Variants in SIK2 observed in about 807,000 individuals in gnomAD.
SIK2 encodes serine/threonine-protein kinase SIK2.
In SIK2, 29 loss-of-function variants were observed where a neutral mutation model predicts 103.2. The observed-to-expected ratio is 0.28, with a 90% confidence interval of 0.21 to 0.38. SIK2 has a LOEUF of 0.38. Among genes scored for constraint, SIK2 ranks in the 10% least tolerant of loss-of-function variants. The pLI, the probability that SIK2 is intolerant of heterozygous loss-of-function variation, is 1.00. For missense variants in SIK2, 879 were observed against 1,171.0 expected, an observed-to-expected ratio of 0.75 and a Z score of 3.64; for synonymous variants, 412 against 446.1, an observed-to-expected ratio of 0.92 and a Z score of 0.96.
intron 3 of SIK2, among the ~76,000 whole-genome samples, chr11:111,681,079 A>G (rs1342631072): frequency 2.6e-5 from 4 of 152,226 alleles, no homozygotes; most frequent in Admixed American, 6.5e-5. Context: ...GAAAATCTGT[A>G]TAAGTATATA....
rs1941596197 is a variant in SIK2, at chr11:111,602,520, C to CCCGCCCGCGCTCCTGT, written c.-38_-23dup. 1 of 1,433,752 alleles carries CCCGCCCGCGCTCCTGT rather than the reference C, an allele frequency of 7.0e-7. No homozygotes were observed. Among genetic ancestry groups the CCCGCCCGCGCTCCTGT allele is most frequent in the East Asian group, 3.0e-5 (1 of 32,974 alleles). The allele number at this position is 1,433,752 out of a possible 1,614,324, so 88.8% of individuals were successfully genotyped here. A position where few individuals can be genotyped will look rare whatever the true frequency, so the allele number is the denominator to read the frequency against. ...CCAAGCCGCGCTGCCAACCCTCCCG[C>CCCGCCCGCGCTCCTGT]CCGCCCGCGCTCCTGTCCGCCGTGT... On this transcript the variant is annotated 5_prime_UTR_variant, in exon 1 of 15. Coordinates refer to ENST00000304987, the MANE Select transcript of SIK2 (RefSeq NM_015191.3). The surrounding 1 kb of genome is among the most constrained non-coding windows in gnomAD (Gnocchi z 4.5).
chr11:111,654,322 C>G lies in SIK2; in HGVS notation c.317-33679C>G, dbSNP rs556214462. ...TTTTCTCTGCCAGATATTTTATTTG[C>G]CTGTTGAAATCTCTGATTGTTATAT... On this transcript the variant is annotated intron_variant, in intron 3 of 14. Coordinates refer to ENST00000304987, the MANE Select transcript of SIK2 (RefSeq NM_015191.3). Among the ~76,000 whole-genome samples the G allele has an allele frequency of 1.2e-4, 18 of 152,168 alleles. No homozygotes were observed. The East Asian group carries it at 3.5e-3, about 29-fold the overall frequency.
rs112204608 is a variant in SIK2, at chr11:111,681,123, G to T, written c.317-6878G>T. On this transcript the variant is annotated intron_variant, in intron 3 of 14. Transcript: ENST00000304987. ...GCTGTTGAAATGTCAAATATCATTG[G>T]CAAATTTGGAGATTATTCTTACAAA... Among the ~76,000 whole-genome samples the T allele has an allele frequency of 6.5e-3, 994 of 152,302 alleles. 10 individuals carry two copies. Among genetic ancestry groups the T allele is most frequent in the African/African-American group, 0.022 (928 of 41,546 alleles).
intron 9 of SIK2, among the ~76,000 whole-genome samples, chr11:111,716,984 AAAG>A (rs1331892241): frequency 2.0e-5 from 3 of 152,160 alleles, no homozygotes; most frequent in Non-Finnish European, 2.9e-5. Context: ...ACACTTCTGA[AAAG>A]AAGACCTCAT....
At chr11:111,640,419 T>TG (rs1474444857) in intron 3 of SIK2, among the ~76,000 whole-genome samples, 1 of 152,236 alleles carries the variant, frequency 6.6e-6, no homozygotes, top group East Asian at 1.9e-4. Flanking sequence ...CATTAAATAT[T>TG]GGGGGTTCTT....
chr11:111,653,829 C>T lies in SIK2; in HGVS notation c.316+33427C>T, dbSNP rs1942358265. Among the ~76,000 whole-genome samples, 3 of 152,352 alleles carry T rather than the reference C, an allele frequency of 2.0e-5. No homozygotes were observed. In the South Asian group the frequency reaches 6.2e-4, roughly 32 times the overall value. The stretch of plus-strand genomic sequence containing the variant: ...GGGAGGTGTCTGTGGTGTAAATTAG[C>T]TTTTTCCCTTCTCAGATCTGTCTTC... On this transcript the variant is annotated intron_variant, in intron 3 of 14. Transcript: ENST00000304987.
At chr11:111,702,939 T>C (rs1318123287) in intron 6 of SIK2, among the ~76,000 whole-genome samples, 1 of 151,222 alleles carries the variant, frequency 6.6e-6, no homozygotes, top group Admixed American at 6.6e-5. Flanking sequence ...TTCTAGATAT[T>C]TTCAGTTGTG....
chr11:111,693,911 A>G (rs1396234584), intron 4 of SIK2, among the ~76,000 whole-genome samples: 3 of 152,360 alleles, frequency 2.0e-5, no homozygotes, highest in East Asian at 1.9e-4. Context: ...TTTGAATCCT[A>G]TCTCTGCCAC....
In SIK2 at chr11:111,730,836, AAAC is replaced by A. The variant is rs1944166974; in HGVS notation, c.*6711_*6713del. 6.6e-6 allele frequency: 1 copy of A among 152,244 alleles called. No homozygotes were observed. Among genetic ancestry groups the A allele is most frequent in the African/African-American group, 2.4e-5 (1 of 41,464 alleles). 9.4% of individuals were successfully genotyped at this position (152,244 alleles called of 1,614,324 possible). ...TTCCAACCCTCTTGAATTAAAATAA[AAAC>A]AACTTCTTTTCTAAGAGCCCGGGTG... On this transcript the variant is annotated 3_prime_UTR_variant, in exon 15 of 15. Transcript: ENST00000304987.
intron 3 of SIK2, among the ~76,000 whole-genome samples, chr11:111,647,084 C>A (rs971087428): frequency 6.6e-6 from 1 of 152,086 alleles, no homozygotes; most frequent in African/African-American, 2.4e-5. Flanking sequence ...AAAATATTTT[C>A]AAGTCAATAA....
At chr11:111,657,254 T>C (rs532349086) in intron 3 of SIK2, among the ~76,000 whole-genome samples, 29 of 152,342 alleles carry the variant, frequency 1.9e-4, no homozygotes, top group Admixed American at 1.9e-3. Context: ...TAAACTCTCA[T>C]TTTGGGTGCA....
chr11:111,672,335 A>G, intron 3 of SIK2: 2 of 452,304 alleles, frequency 4.4e-6, no homozygotes, highest in Non-Finnish European at 7.5e-6. Context: ...CTCGTGGAGG[A>G]GCAGCTGCTG....
chr11:111,704,910 C>CTTT, intron 7 of SIK2, 77 bp from the exon 8 acceptor site: 19 of 1,400,820 alleles, frequency 1.4e-5, no homozygotes, highest in South Asian at 4.4e-5. Flanking sequence ...TTTCTTTCCT[C>CTTT]TTTTTTTTTA....
Position 111,701,025 on chromosome 11 carries a change from T to C in SIK2, c.603+15T>C, listed in dbSNP as rs1943200381. On this transcript the variant is annotated intron_variant, in intron 5 of 14. Transcript: ENST00000304987. The surrounding 1 kb of genome is among the most constrained non-coding windows in gnomAD (Gnocchi z 4.2). ...TGGACATCTGGGTACTGCTTTGCTTTGCTGTGTTGTTAAATGCATCTATAC... is the reference window on the plus strand; with the variant it reads ...TGGACATCTGGGTACTGCTTTGCTTCGCTGTGTTGTTAAATGCATCTATAC... 3.1e-6 allele frequency: 5 copies of C among 1,612,056 alleles called. No individual in the cohort carries two copies. The South Asian group carries it at 3.3e-5, about 11-fold the overall frequency.
At position 111,721,916 on chromosome 11, in the gene SIK2, C is replaced by G. The variant is rs1383766137; in HGVS notation, c.2031C>G (p.Thr677=). Residue 677 remains threonine (T), a synonymous_variant, in exon 13 of 15, where the codon ACC becomes ACG. Transcript: ENST00000304987. ...PQLSPRQSLE[T]QYLQHRLQKP... Reference sequence around the variant, plus strand: ...TGTCCCCACGGCAGAGCCTGGAGACCCAGTACCTGCAGCACAGACTCCAGG... The same window carrying G: ...TGTCCCCACGGCAGAGCCTGGAGACGCAGTACCTGCAGCACAGACTCCAGG... The G allele has an allele frequency of 5.6e-6, 9 of 1,610,078 alleles. No individual in the cohort carries two copies. In the African/African-American group the frequency reaches 9.4e-5, roughly 17 times the overall value.
At chr11:111,706,119 AGT>A (rs1234013342) in intron 8 of SIK2, among the ~76,000 whole-genome samples, 13 of 152,212 alleles carry the variant, frequency 8.5e-5, no homozygotes, top group African/African-American at 3.1e-4. Flanking sequence ...TGGTTTCCCA[AGT>A]GTGTAATGGG....
intron 3 of SIK2, among the ~76,000 whole-genome samples, chr11:111,673,253 G>T (rs1307108487): frequency 6.6e-6 from 1 of 152,230 alleles, no homozygotes; most frequent in Non-Finnish European, 1.5e-5. Flanking sequence ...TAGAACCATT[G>T]TCAGTTTCTT....
chr11:111,629,058 A>G, intron 3 of SIK2, among the ~76,000 whole-genome samples: 1 of 152,168 alleles, frequency 6.6e-6, no homozygotes, highest in East Asian at 1.9e-4. Context: ...GGAGGAGAAA[A>G]GAAGCCATTT....
In SIK2 at chr11:111,688,313, G is replaced by A; in HGVS notation, c.478+151G>A. On this transcript the variant is annotated intron_variant, in intron 4 of 14. Transcript: ENST00000304987. The surrounding 1 kb of genome is among the most constrained non-coding windows in gnomAD (Gnocchi z 4.2). The stretch of plus-strand genomic sequence containing the variant: ...CCATTTTATTCATTTCCTTAGTTCT[G>A]TGTGTAATTAAAAGTAAGGGAATGA... The A allele has an allele frequency of 1.3e-6, 1 of 765,534 alleles. No homozygotes were observed. 47.4% of individuals were successfully genotyped at this position (765,534 alleles called of 1,614,324 possible).
Sources: allele counts gnomAD v4.1 joint callset (sites outside exome capture counted in the v4.1 genomes callset), GRCh38; gene constraint gnomAD v4.1.1; non-coding constraint Gnocchi (gnomAD v3.1); transcripts MANE v1.5; gene names NCBI Gene and HGNC (gene_info 2026-07-23, HGNC 2026-07-21).